ATXN2: variants seen among roughly 807,000 people sequenced by gnomAD.
The protein encoded by ATXN2 is ataxin 2, also known as ataxin-2.
A neutral mutation model predicts 138.6 loss-of-function variants in ATXN2; 37 were observed. The observed-to-expected ratio is 0.27, with a 90% CI of 0.21 to 0.35. The LOEUF is 0.35. Ranked by LOEUF, ATXN2 falls within the 10% of genes least tolerant of loss-of-function variation. The probability of loss-of-function intolerance (pLI) is 1.00; values close to 1 mark genes in which losing one functional copy is unlikely to be tolerated. For synonymous variants in ATXN2, 549 were observed against 543.7 expected (o/e 1.01, Z -0.13); for missense variants, 1,216 against 1,480.3 (o/e 0.82, Z 2.93).
At chr12:111,560,862 A>G (rs1007590880) in intron 1 of ATXN2, among the ~76,000 whole-genome samples, 2 of 152,244 alleles carry the variant, frequency 1.3e-5, no homozygotes, top group African/African-American at 4.8e-5. Context: ...TGACTTAATA[A>G]GAATTTCAAA....
At chr12:111,529,780 G>C (rs1566045604) in intron 5 of ATXN2, among the ~76,000 whole-genome samples, 1 of 152,134 alleles carries the variant, frequency 6.6e-6, no homozygotes, top group Non-Finnish European at 1.5e-5. Flanking sequence ...AAACTTGTCT[G>C]AGCATTTTTT....
chr12:111,480,592 T>C (rs1187981780), intron 18 of ATXN2, among the ~76,000 whole-genome samples: 1 of 152,202 alleles, frequency 6.6e-6, no homozygotes, highest in Non-Finnish European at 1.5e-5. Flanking sequence ...GGGGAATCGC[T>C]TGAATCTGAG....
chr12:111,582,706 C>T (rs1884076903), intron 1 of ATXN2, among the ~76,000 whole-genome samples: 1 of 152,174 alleles, frequency 6.6e-6, no homozygotes, highest in Non-Finnish European at 1.5e-5. Flanking sequence ...CGCTCTGTCG[C>T]CCAGCAGGCT....
At chr12:111,545,551 G>A (rs1458861709) in intron 5 of ATXN2, among the ~76,000 whole-genome samples, 5 of 151,628 alleles carry the variant, frequency 3.3e-5, no homozygotes, top group African/African-American at 4.9e-5. Context: ...GTGACAGACC[G>A]AGACTCCATC....
intron 1 of ATXN2, among the ~76,000 whole-genome samples, chr12:111,589,280 A>T (rs1232231256): frequency 6.6e-6 from 1 of 151,814 alleles, no homozygotes; most frequent in Non-Finnish European, 1.5e-5. Context: ...ACATCACTGC[A>T]TTCCAGCCTG....
intron 5 of ATXN2, among the ~76,000 whole-genome samples, chr12:111,548,171 G>A (rs529352995): frequency 3.3e-5 from 5 of 152,190 alleles, no homozygotes; most frequent in South Asian, 4.1e-4. Flanking sequence ...CAGCCTGGGC[G>A]ACAGAGCAAG....
intron 18 of ATXN2, chr12:111,479,171 A>G: frequency 2.6e-6 from 1 of 383,728 alleles, no homozygotes; most frequent in African/African-American, 2.1e-5. Flanking sequence ...AATAGCCAAA[A>G]GCTGGCAATA....
chr12:111,522,672 A>T (rs1236448820), intron 6 of ATXN2, among the ~76,000 whole-genome samples: 3 of 151,082 alleles, frequency 2.0e-5, no homozygotes, highest in African/African-American at 7.3e-5. Flanking sequence ...CAGCACTTTG[A>T]GAGGCCAAGG....
chr12:111,522,011 G>A (rs1189570781), intron 6 of ATXN2, among the ~76,000 whole-genome samples: 1 of 152,118 alleles, frequency 6.6e-6, no homozygotes, highest in African/African-American at 2.4e-5. Context: ...ATCCATCCCA[G>A]AAGAATGAAC....
At chr12:111,568,604 C>T (rs1883144202) in intron 1 of ATXN2, among the ~76,000 whole-genome samples, 1 of 152,166 alleles carries the variant, frequency 6.6e-6, no homozygotes, top group South Asian at 2.1e-4. Flanking sequence ...GAATGCTCTT[C>T]CCTCCAGCTA....
chr12:111,510,437 A>G lies in ATXN2; in HGVS notation c.1704T>C (p.Ser568=), dbSNP rs1258551807. The part of the protein sequence containing the change: ...EAVAMPIPAA[S]PTPASPASNR... Reference sequence around the variant, plus strand: ...TCGATGCAGGACTAGCAGGCGTAGGAGATGCAGCTGGAATAGGCATGGCAA... The same window carrying G: ...TCGATGCAGGACTAGCAGGCGTAGGGGATGCAGCTGGAATAGGCATGGCAA... The change falls in exon 12 of 25, where the codon TCT becomes TCC. Residue 568 remains serine (S), a synonymous_variant. Transcript: ENST00000673436. The G allele has an allele frequency of 1.2e-6, 2 of 1,614,134 alleles. No homozygotes were observed. The highest frequency in any genetic ancestry group is 2.2e-5 in the South Asian group (2 of 91,074).
chr12:111,572,008 T>G (rs969374923), intron 1 of ATXN2, among the ~76,000 whole-genome samples: 2 of 94,522 alleles, frequency 2.1e-5, no homozygotes, highest in African/African-American at 9.1e-5. Flanking sequence ...CAAGACTCTG[T>G]CTCAAAAAAA....
intron 5 of ATXN2, among the ~76,000 whole-genome samples, chr12:111,542,869 G>A (rs982876434): frequency 4.6e-5 from 7 of 152,120 alleles, no homozygotes; most frequent in Admixed American, 4.6e-4. Flanking sequence ...TCTATTTTAT[G>A]CTAGAGGTTT....
chr12:111,578,153 C>T (rs891457264), intron 1 of ATXN2, among the ~76,000 whole-genome samples: 11 of 152,226 alleles, frequency 7.2e-5, no homozygotes, highest in East Asian at 3.9e-4. Flanking sequence ...GCCAACATCA[C>T]GCCACTACAC....
intron 1 of ATXN2, among the ~76,000 whole-genome samples, chr12:111,586,367 G>A (rs11065965): frequency 0.071 from 9,738 of 137,672 alleles, 1,219 homozygotes; most frequent in East Asian, 0.57. Flanking sequence ...GATTACAGGC[G>A]CCCGCCCAGC....
intron 14 of ATXN2, among the ~76,000 whole-genome samples, chr12:111,502,766 G>T (rs1268289303): frequency 6.6e-6 from 1 of 152,048 alleles, no homozygotes. Context: ...CACATGAAAT[G>T]GTACAATGAC....
Position 111,599,300 on chromosome 12 carries a change from G to A in ATXN2, c.-266C>T, listed in dbSNP as rs536609944. 2,741 of 1,177,452 alleles carry A rather than the reference G, an allele frequency of 2.3e-3. 2 individuals are homozygous for A. The highest frequency in any genetic ancestry group is 2.7e-3 in the Non-Finnish European group (2,574 of 955,220). The allele number at this position is 1,177,452 out of a possible 1,614,324, so 72.9% of individuals were successfully genotyped here. Reference sequence around the variant, plus strand: ...GTTGCTACCAAAACAGTCTGAGGCGGAGGGAGGCGAGCTCTGCCGGGAGGG... The same window carrying A: ...GTTGCTACCAAAACAGTCTGAGGCGAAGGGAGGCGAGCTCTGCCGGGAGGG... On this transcript the variant is annotated 5_prime_UTR_variant, in exon 1 of 25. Coordinates refer to ENST00000673436, the MANE Select transcript of ATXN2 (RefSeq NM_001372574.1).
In ATXN2 at chr12:111,598,473, C is replaced by T; in HGVS notation, c.251+311G>A. 1 of 985,226 alleles carries T rather than the reference C, an allele frequency of 1.0e-6. No homozygotes were observed. The highest frequency in any genetic ancestry group is 1.2e-6 in the Non-Finnish European group (1 of 829,926). The allele number at this position is 985,226 out of a possible 1,614,324, so 61.0% of individuals were successfully genotyped here. A position where few individuals can be genotyped will look rare whatever the true frequency, so the allele number is the denominator to read the frequency against. On this transcript the variant is annotated intron_variant, in intron 1 of 24. Transcript: ENST00000673436. The surrounding 1 kb of genome is among the most constrained non-coding windows in gnomAD (Gnocchi z 4.5). ...GTGCGGAAGGGGGAGCCGGGGCTGA[C>T]CATCGCCGCTACCCGAGAACCCCTC...
intron 22 of ATXN2, among the ~76,000 whole-genome samples, chr12:111,456,984 G>A (rs1419144868): frequency 6.6e-6 from 1 of 152,054 alleles, no homozygotes; most frequent in African/African-American, 2.4e-5. Flanking sequence ...TCCTGACCTC[G>A]TGATCCACCC....
Sources: allele counts gnomAD v4.1 joint callset (sites outside exome capture counted in the v4.1 genomes callset), GRCh38; gene constraint gnomAD v4.1.1; non-coding constraint Gnocchi (gnomAD v3.1); transcripts MANE v1.5; gene names NCBI Gene and HGNC (gene_info 2026-07-23, HGNC 2026-07-21).